LDLRAD4: variants seen among roughly 807,000 people sequenced by gnomAD.
LDLRAD4 encodes low-density lipoprotein receptor class A domain-containing protein 4.
Under a neutral mutation model 17.0 loss-of-function variants are expected in LDLRAD4, and 5 were observed. That is an observed-to-expected ratio of 0.29 (90% CI 0.15 to 0.62). The LOEUF is 0.62. LDLRAD4 is among the 20% of genes least tolerant of loss of function. The pLI, the probability that LDLRAD4 is intolerant of heterozygous loss-of-function variation, is 0.84. For missense variants in LDLRAD4, 340 were observed against 424.7 expected, an observed-to-expected ratio of 0.80 and a Z score of 1.75; for synonymous variants, 168 against 171.8, an observed-to-expected ratio of 0.98 and a Z score of 0.17.
intron 3 of LDLRAD4, among the ~76,000 whole-genome samples, chr18:13,563,948 T>TA (rs1568344713): frequency 6.6e-6 from 1 of 151,854 alleles, no homozygotes; most frequent in Non-Finnish European, 1.5e-5. Context: ...CTCTCTCACC[T>TA]AAACTGGAGT....
chr18:13,589,890 G>A (rs2094988064), intron 3 of LDLRAD4, among the ~76,000 whole-genome samples: 1 of 152,178 alleles, frequency 6.6e-6, no homozygotes, highest in Admixed American at 6.5e-5. Flanking sequence ...CTGATCCGGG[G>A]GTGCTGGGCC....
At chr18:13,397,182 C>T (rs1016236789) in intron 2 of LDLRAD4, among the ~76,000 whole-genome samples, 7 of 152,070 alleles carry the variant, frequency 4.6e-5, no homozygotes, top group South Asian at 4.2e-4. Context: ...GTCGCTCTGT[C>T]GCCCAGGCTG....
At chr18:13,416,073 A>G (rs1568120794) in intron 2 of LDLRAD4, among the ~76,000 whole-genome samples, 1 of 152,168 alleles carries the variant, frequency 6.6e-6, no homozygotes, top group Non-Finnish European at 1.5e-5. Context: ...ACCTTCCATG[A>G]AGAGATCGGG....
chr18:13,316,084 C>G (rs1280908313), intron 1 of LDLRAD4, among the ~76,000 whole-genome samples: 1 of 152,152 alleles, frequency 6.6e-6, no homozygotes, highest in Admixed American at 6.5e-5. Context: ...TGAAGTGATA[C>G]TGGCTGAGAA....
intron 3 of LDLRAD4, among the ~76,000 whole-genome samples, chr18:13,590,945 C>T (rs958503850): frequency 3.9e-5 from 6 of 152,172 alleles, no homozygotes; most frequent in Admixed American, 1.3e-4. Flanking sequence ...CTTGTGTTCT[C>T]CCTGGAGTTC....
At chr18:13,577,379 C>T (rs752493217) in intron 3 of LDLRAD4, among the ~76,000 whole-genome samples, 6 of 152,078 alleles carry the variant, frequency 3.9e-5, no homozygotes, top group African/African-American at 9.7e-5. Flanking sequence ...TCTCCAAGCG[C>T]GGCTGTGTTG....
At chr18:13,565,579 AC>A (rs2094590038) in intron 3 of LDLRAD4, among the ~76,000 whole-genome samples, 1 of 152,224 alleles carries the variant, frequency 6.6e-6, no homozygotes, top group South Asian at 2.1e-4. Context: ...GGGCTGTGGA[AC>A]GAGCCAGCCC....
At chr18:13,351,766 GGCCAGCAT>G (rs2083049515) in intron 1 of LDLRAD4, among the ~76,000 whole-genome samples, 1 of 152,102 alleles carries the variant, frequency 6.6e-6, no homozygotes, top group African/African-American at 2.4e-5. Context: ...CATTTTATGA[GGCCAGCAT>G]CATCCTGATA....
intron 3 of LDLRAD4, among the ~76,000 whole-genome samples, chr18:13,599,515 G>C: frequency 8.1e-6 from 1 of 122,936 alleles, no homozygotes; most frequent in Non-Finnish European, 1.6e-5. Flanking sequence ...TTTTGAGACA[G>C]AGTCTCACTC....
upstream of LDLRAD4, among the ~76,000 whole-genome samples, chr18:13,274,516 G>A (rs967391877): frequency 6.6e-6 from 1 of 152,180 alleles, no homozygotes; most frequent in Admixed American, 6.5e-5. Flanking sequence ...TCTTGGCTTG[G>A]GTGTGAGAAT....
intron 1 of LDLRAD4, among the ~76,000 whole-genome samples, chr18:13,253,292 C>T (rs2043324447): frequency 6.6e-6 from 1 of 152,050 alleles, no homozygotes; most frequent in Non-Finnish European, 1.5e-5. Flanking sequence ...TTGCTGTGAT[C>T]GGCTGTGGTG....
chr18:13,604,790 C>T (rs1451337367), intron 3 of LDLRAD4, among the ~76,000 whole-genome samples: 1 of 152,172 alleles, frequency 6.6e-6, no homozygotes, highest in Non-Finnish European at 1.5e-5. Context: ...ATGCAGATTT[C>T]TATCCCCCTT....
intron 2 of LDLRAD4, among the ~76,000 whole-genome samples, chr18:13,415,709 C>T (rs997147303): frequency 5.3e-5 from 8 of 152,314 alleles, no homozygotes; most frequent in Admixed American, 2.0e-4. Context: ...CCTTGCAGTC[C>T]GCCATATCCA....
chr18:13,571,109 C>T (rs1419979620), intron 3 of LDLRAD4, among the ~76,000 whole-genome samples: 3 of 152,160 alleles, frequency 2.0e-5, no homozygotes, highest in African/African-American at 7.2e-5. Context: ...CATGAGCCAC[C>T]ACGCCTGGCA....
intron 3 of LDLRAD4, chr18:13,472,730 C>T (rs1424458386): frequency 6.6e-6 from 1 of 152,196 alleles, no homozygotes; most frequent in African/African-American, 2.4e-5. Context: ...CACAGAGGTC[C>T]CTGGTTAATA....
intron 2 of LDLRAD4, among the ~76,000 whole-genome samples, chr18:13,395,741 C>T (rs1204424689): frequency 1.1e-4 from 1 of 8,896 alleles, no homozygotes; most frequent in Non-Finnish European, 2.1e-4. Flanking sequence ...CGGAAGTTGG[C>T]GTGGGGTGGG....
chr18:13,371,246 T>C (rs1057056604), intron 1 of LDLRAD4, among the ~76,000 whole-genome samples: 3 of 151,968 alleles, frequency 2.0e-5, no homozygotes, highest in Non-Finnish European at 4.4e-5. Flanking sequence ...GAGGCTGAGA[T>C]GGGGGGGCCA....
intron 2 of LDLRAD4, chr18:13,425,804 T>A (rs1003029524): frequency 1.3e-5 from 2 of 152,444 alleles, no homozygotes; most frequent in African/African-American, 4.8e-5. Flanking sequence ...TCTGACTGAC[T>A]TGGGTCCAGC....
chr18:13,493,835 C>G (rs537055511), intron 3 of LDLRAD4, among the ~76,000 whole-genome samples: 1 of 152,358 alleles, frequency 6.6e-6, no homozygotes, highest in South Asian at 2.1e-4. Context: ...TCCCTGCCTC[C>G]AGCCCCGTGG....
Sources: gnomAD v4.1 joint callset for allele counts (sites outside exome capture counted in the v4.1 genomes callset) on GRCh38, gnomAD v4.1.1 for gene constraint, MANE v1.5 for transcripts, NCBI Gene and HGNC (gene_info 2026-07-23, HGNC 2026-07-21) for gene names.